The following ASXL3 variants were observed in gnomAD, a reference collection of about 807,000 sequenced individuals.
ASXL3 encodes putative Polycomb group protein ASXL3.
Under a neutral mutation model 170.6 loss-of-function variants are expected in ASXL3, and 34 were observed. The observed-to-expected ratio is 0.20, with a 90% confidence interval of 0.15 to 0.27. ASXL3 has a LOEUF of 0.27. Ranked by LOEUF, ASXL3 falls within the 10% of genes least tolerant of loss-of-function variation. The pLI is 1.00. For missense variants in ASXL3, 2,592 were observed against 2,695.3 expected, an observed-to-expected ratio of 0.96 and a Z score of 0.85; for synonymous variants, 1,002 against 989.1, an observed-to-expected ratio of 1.01 and a Z score of -0.24.
intron 7 of ASXL3, among the ~76,000 whole-genome samples, chr18:33,673,467 A>T (rs1405432898): frequency 6.7e-6 from 1 of 149,712 alleles, no homozygotes; most frequent in Non-Finnish European, 1.5e-5. Context: ...CTCTGCCCCC[A>T]GGTTCAAGTG....
chr18:33,663,812 C>T (rs1197870207), intron 5 of ASXL3, among the ~76,000 whole-genome samples: 4 of 152,046 alleles, frequency 2.6e-5, no homozygotes, highest in Non-Finnish European at 5.9e-5. Flanking sequence ...GACAGCATTG[C>T]AAAAATTGAC....
chr18:33,596,054 C>T (rs2065123710), intron 1 of ASXL3, among the ~76,000 whole-genome samples: 1 of 151,696 alleles, frequency 6.6e-6, no homozygotes, highest in Non-Finnish European at 1.5e-5. Flanking sequence ...GCAAGTATTA[C>T]ACACCTACAT....
chr18:33,694,128 G>A (rs2066733788), intron 8 of ASXL3, among the ~76,000 whole-genome samples: 1 of 152,126 alleles, frequency 6.6e-6, no homozygotes. Flanking sequence ...ATTGGTCAGT[G>A]GTAGCAGATA....
chr18:33,664,435 C>T (rs2066224534), intron 5 of ASXL3, among the ~76,000 whole-genome samples: 1 of 152,140 alleles, frequency 6.6e-6, no homozygotes. Context: ...ACACAGGCTG[C>T]TTATGTTCAG....
At chr18:33,705,894 G>A (rs190782756) in intron 8 of ASXL3, among the ~76,000 whole-genome samples, 52 of 151,824 alleles carry the variant, frequency 3.4e-4, no homozygotes, top group Non-Finnish European at 5.5e-4. Context: ...GGAAACTCCC[G>A]TTGCCGTTTT....
chr18:33,743,377 G>A lies in ASXL3; in HGVS notation c.3529G>A (p.Glu1177Lys), dbSNP rs1442532274. The A allele has an allele frequency of 6.2e-7, 1 of 1,613,260 alleles. No individual in the cohort carries two copies. The highest frequency in any genetic ancestry group is 1.7e-5 in the Admixed American group (1 of 60,026). ...SPSNKSAHLR[E>K]TTTVLQQSLN... ...TAGCAACAAGTCTGCCCACCTCCGGGAGACCACCACTGTACTACAGCAGTC... is the reference window on the plus strand; with the variant it reads ...TAGCAACAAGTCTGCCCACCTCCGGAAGACCACCACTGTACTACAGCAGTC... The change falls in exon 12 of 12, where the codon GAG (glutamate) becomes AAG (lysine). Residue 1177 changes from glutamate (E) to lysine (K), a missense_variant. Glu to Lys is a moderately conservative substitution (Grantham distance 56). Around this residue, in one of 4 missense-constraint regions of ASXL3, gnomAD observed 2,246 missense variants for 2,219.6 expected, o/e 1.01. Transcript: ENST00000269197.
intron 8 of ASXL3, among the ~76,000 whole-genome samples, chr18:33,711,288 C>T (rs776727852): frequency 4.6e-5 from 7 of 151,934 alleles, no homozygotes; most frequent in South Asian, 2.1e-4. Context: ...CTTTTTTATG[C>T]GCTTGTATGC....
rs150488165 is a variant in ASXL3, at chr18:33,635,516, A to C, written c.138-9378A>C. 4.6e-3 allele frequency among the ~76,000 whole-genome samples: 698 copies of C among 152,296 alleles called. 6 individuals carry two copies. Among genetic ancestry groups the C allele is most frequent in the African/African-American group, 0.016 (666 of 41,566 alleles). Reference sequence around the variant, plus strand: ...TTGTGTCTTTATAGCTAATGTTATTACTGGAAGATAATTTATACTCTTTCC... The same window carrying C: ...TTGTGTCTTTATAGCTAATGTTATTCCTGGAAGATAATTTATACTCTTTCC... On this transcript the variant is annotated intron_variant, in intron 2 of 11. Transcript: ENST00000269197.
chr18:33,671,910 G>T (rs1436226889), intron 7 of ASXL3, 44 bp downstream of exon 7: 1 of 1,460,226 alleles, frequency 6.8e-7, no homozygotes, highest in South Asian at 1.4e-5. Context: ...TTAGAAATTT[G>T]TGTTTTCTCA....
intron 5 of ASXL3, among the ~76,000 whole-genome samples, chr18:33,664,112 G>A (rs978361197): frequency 5.3e-5 from 8 of 151,914 alleles, no homozygotes; most frequent in Admixed American, 2.6e-4. Flanking sequence ...TCCATTTTAC[G>A]TGGGATATAT....
intron 8 of ASXL3, among the ~76,000 whole-genome samples, chr18:33,730,645 G>A (rs1230477831): frequency 6.6e-6 from 1 of 151,772 alleles, no homozygotes; most frequent in Admixed American, 6.6e-5. Context: ...CAGTCATGCT[G>A]AACCCAGGCG....
At chr18:33,727,180 G>A (rs761795420) in intron 8 of ASXL3, among the ~76,000 whole-genome samples, 1 of 151,694 alleles carries the variant, frequency 6.6e-6, no homozygotes, top group Admixed American at 6.6e-5. Context: ...AGTATTTCTC[G>A]GTGCACCGTT....
chr18:33,586,163 C>T (rs555628265), intron 1 of ASXL3, among the ~76,000 whole-genome samples: 7 of 152,064 alleles, frequency 4.6e-5, no homozygotes, highest in South Asian at 2.1e-4. Flanking sequence ...TTTTCCAGCT[C>T]GGTCATAGAG....
At chr18:33,627,327 A>G (rs181057241) in intron 2 of ASXL3, among the ~76,000 whole-genome samples, 1 of 152,232 alleles carries the variant, frequency 6.6e-6, no homozygotes, top group East Asian at 1.9e-4. Flanking sequence ...GAAAGTGTGA[A>G]TTGTTGGAAA....
At chr18:33,641,521 C>G (rs1599433114) in intron 2 of ASXL3, among the ~76,000 whole-genome samples, 1 of 151,986 alleles carries the variant, frequency 6.6e-6, no homozygotes, top group East Asian at 1.9e-4. Context: ...TTATTTATTT[C>G]TAGTTATATT....
chr18:33,714,504 T>G (rs1307706433), intron 8 of ASXL3, among the ~76,000 whole-genome samples: 3 of 152,214 alleles, frequency 2.0e-5, no homozygotes, highest in African/African-American at 7.2e-5. Context: ...AAGAGATCTA[T>G]TTTAATCACT....
intron 4 of ASXL3, among the ~76,000 whole-genome samples, chr18:33,656,448 G>A (rs1395569555): frequency 2.0e-5 from 3 of 152,044 alleles, no homozygotes; most frequent in Non-Finnish European, 4.4e-5. Flanking sequence ...GGGTGGCTCA[G>A]TGGGACAGAG....
At chr18:33,731,437 C>G (rs936433940) in intron 8 of ASXL3, among the ~76,000 whole-genome samples, 1 of 152,096 alleles carries the variant, frequency 6.6e-6, no homozygotes, top group African/African-American at 2.4e-5. Context: ...AATGCTCATG[C>G]TCGTTGACAG....
In ASXL3 at chr18:33,578,703, C is replaced by T. The variant is rs2145082999; in HGVS notation, c.54+18C>T. Reference sequence around the variant, plus strand: ...CCCGCCTGGTACGTACCGCCCCCCACACGCCGCCCGCGCCTCCCGCCGGCC... The same window carrying T: ...CCCGCCTGGTACGTACCGCCCCCCATACGCCGCCCGCGCCTCCCGCCGGCC... On this transcript the variant is annotated intron_variant, in intron 1 of 11. Transcript: ENST00000269197. The T allele has an allele frequency of 2.4e-6, 3 of 1,244,246 alleles. No individual in the cohort carries two copies. The highest frequency in any genetic ancestry group is 4.4e-5 in the East Asian group (1 of 22,472). 77.1% of individuals were successfully genotyped at this position (1,244,246 alleles called of 1,614,324 possible). A position where few individuals can be genotyped will look rare whatever the true frequency, so the allele number is the denominator to read the frequency against.
Sources: gnomAD v4.1 joint callset for allele counts (sites outside exome capture counted in the v4.1 genomes callset) on GRCh38, gnomAD v4.1.1 for gene constraint, gnomAD v4.1.1 regional missense constraint, MANE v1.5 for transcripts, NCBI Gene and HGNC (gene_info 2026-07-23, HGNC 2026-07-21) for gene names.